NFATC2: variants seen among roughly 807,000 people sequenced by gnomAD.
NFATC2 encodes the protein nuclear factor of activated T-cells, cytoplasmic 2.
In NFATC2, 22 loss-of-function variants were observed where a neutral mutation model predicts 87.3. The ratio of observed to expected loss-of-function variants is 0.25; its 90% confidence interval spans 0.18 to 0.36. NFATC2 has a LOEUF of 0.36. NFATC2 is among the 10% of genes least tolerant of loss of function. The pLI is 1.00. For synonymous variants in NFATC2, 565 were observed against 542.2 expected, an observed-to-expected ratio of 1.04 and a Z score of -0.58; for missense variants, 1,149 against 1,259.1, an observed-to-expected ratio of 0.91 and a Z score of 1.32.
chr20:51,473,170 G>A (rs766922596), intron 5 of NFATC2, among the ~76,000 whole-genome samples: 6 of 152,198 alleles, frequency 3.9e-5, no homozygotes, highest in Admixed American at 2.6e-4. Flanking sequence ...ATCAGACTCC[G>A]AAAATCTTCT....
At chr20:51,496,429 AC>A (rs1297483985) in intron 3 of NFATC2, among the ~76,000 whole-genome samples, 4 of 147,268 alleles carry the variant, frequency 2.7e-5, no homozygotes, top group Non-Finnish European at 6.0e-5. Flanking sequence ...TCCTGCAACC[AC>A]CCCCCGCCCC....
At chr20:51,449,057 C>T (rs987658049) in intron 6 of NFATC2, among the ~76,000 whole-genome samples, 3 of 152,070 alleles carry the variant, frequency 2.0e-5, no homozygotes, top group African/African-American at 7.2e-5. Context: ...ATAAAAAGAA[C>T]ATTGGAGCTG....
intron 1 of NFATC2, among the ~76,000 whole-genome samples, chr20:51,529,166 C>G (rs896578311): frequency 2.0e-5 from 3 of 152,108 alleles, no homozygotes; most frequent in African/African-American, 7.2e-5. Context: ...AAAATTCCGG[C>G]CGTATCAGAA....
intron 5 of NFATC2, among the ~76,000 whole-genome samples, chr20:51,466,987 G>A (rs1234219379): frequency 3.4e-5 from 5 of 148,098 alleles, no homozygotes; most frequent in African/African-American, 1.3e-4. Context: ...CAGGAGAATC[G>A]CTTCAACCTG....
chr20:51,421,362 C>T (rs1032489461), intron 9 of NFATC2, among the ~76,000 whole-genome samples: 4 of 152,180 alleles, frequency 2.6e-5, no homozygotes, highest in East Asian at 1.9e-4. Context: ...AGGCCCCGGC[C>T]GGATGCAGGT....
At chr20:51,421,358 C>T (rs532959256) in intron 9 of NFATC2, among the ~76,000 whole-genome samples, 4 of 152,182 alleles carry the variant, frequency 2.6e-5, no homozygotes, top group South Asian at 4.1e-4. Flanking sequence ...TCGAAGGCCC[C>T]GGCCGGATGC....
intron 9 of NFATC2, among the ~76,000 whole-genome samples, chr20:51,411,549 A>C (rs1979255536): frequency 9.6e-6 from 1 of 103,674 alleles, no homozygotes; most frequent in Admixed American, 1.2e-4. Context: ...TTTTTTTGAG[A>C]CAGAGTCTTG....
intron 5 of NFATC2, among the ~76,000 whole-genome samples, chr20:51,464,323 G>A (rs960382896): frequency 3.9e-5 from 6 of 152,168 alleles, no homozygotes; most frequent in African/African-American, 9.7e-5. Context: ...GCATTTAACC[G>A]CCACCCTGAG....
chr20:51,394,618 C>T (rs1010211624), intron 10 of NFATC2, among the ~76,000 whole-genome samples: 2 of 149,678 alleles, frequency 1.3e-5, no homozygotes, highest in African/African-American at 5.1e-5. Context: ...TTAGATGATG[C>T]CTTGGTGCAT....
At chr20:51,433,767 G>GCA (rs1399815971) in intron 8 of NFATC2, among the ~76,000 whole-genome samples, 3 of 151,670 alleles carry the variant, frequency 2.0e-5, no homozygotes, top group African/African-American at 7.3e-5. Flanking sequence ...GCATGTGTGT[G>GCA]TGTGTGTGTG....
At chr20:51,503,773 T>C (rs1028814449) in intron 3 of NFATC2, among the ~76,000 whole-genome samples, 2 of 152,192 alleles carry the variant, frequency 1.3e-5, no homozygotes, top group African/African-American at 4.8e-5. Context: ...GCAGGGTAGA[T>C]ACCAATGGAT....
At chr20:51,562,699 G>T, upstream of NFATC2, 1 of 1,438,974 alleles carries the variant, frequency 6.9e-7, no homozygotes, top group Non-Finnish European at 9.5e-7. This position sits in a 1 kb window ranked among gnomAD's most constrained non-coding sequence, Gnocchi z 5.8. Context: ...CAGCCGAGGG[G>T]ACGCCGTCTT....
intron 3 of NFATC2, among the ~76,000 whole-genome samples, chr20:51,515,501 G>A (rs1400835788): frequency 1.3e-5 from 2 of 152,208 alleles, no homozygotes. Flanking sequence ...GCTTTCCACA[G>A]ATCCACCTGA....
At chr20:51,425,718 T>C (rs899880380) in intron 9 of NFATC2, among the ~76,000 whole-genome samples, 8 of 152,350 alleles carry the variant, frequency 5.3e-5, no homozygotes, top group South Asian at 2.1e-4. Context: ...CACTTTTCCA[T>C]CGCTGGGTTC....
At chr20:51,481,654 T>C (rs1989270106) in intron 3 of NFATC2, among the ~76,000 whole-genome samples, 1 of 151,926 alleles carries the variant, frequency 6.6e-6, no homozygotes, top group Admixed American at 6.6e-5. Context: ...TGGTGCGACT[T>C]CCATCCACCA....
chr20:51,488,632 T>A (rs1010907681), intron 3 of NFATC2, among the ~76,000 whole-genome samples: 11 of 152,146 alleles, frequency 7.2e-5, no homozygotes, highest in African/African-American at 2.7e-4. Flanking sequence ...CTATCCCTTG[T>A]CCATCAGAAA....
At chr20:51,492,838 G>A (rs1015374055) in intron 3 of NFATC2, among the ~76,000 whole-genome samples, 3 of 152,246 alleles carry the variant, frequency 2.0e-5, no homozygotes, top group Non-Finnish European at 2.9e-5. Flanking sequence ...CCAAGTGAGC[G>A]CCGGCCGGGG....
At chr20:51,414,857 C>T (rs1165442329) in intron 9 of NFATC2, among the ~76,000 whole-genome samples, 2 of 152,246 alleles carry the variant, frequency 1.3e-5, no homozygotes, top group Non-Finnish European at 2.9e-5. Flanking sequence ...AACACAGCCC[C>T]AACCAGAACA....
At position 51,447,346 on chromosome 20, in the gene NFATC2, A is replaced by C. The variant is rs117370390; in HGVS notation, c.1849+7202T>G. Among the ~76,000 whole-genome samples the C allele has an allele frequency of 9.0e-3, 1,365 of 152,364 alleles. 53 individuals carry two copies. In the East Asian group the frequency reaches 0.13, roughly 14 times the overall value. ...ACAAAAAATTCTCTTCAAACAATTTAAGTTTCAAAGCTGAGTAATCTGATG... is the reference window on the plus strand; with the variant it reads ...ACAAAAAATTCTCTTCAAACAATTTCAGTTTCAAAGCTGAGTAATCTGATG... On this transcript the variant is annotated intron_variant, in intron 6 of 10. Transcript: ENST00000371564.
Sources: allele counts gnomAD v4.1 joint callset (sites outside exome capture counted in the v4.1 genomes callset), GRCh38; gene constraint gnomAD v4.1.1; non-coding constraint Gnocchi (gnomAD v3.1); transcripts MANE v1.5; gene names NCBI Gene and HGNC (gene_info 2026-07-23, HGNC 2026-07-21).